NCAM2: variants seen among roughly 807,000 people sequenced by gnomAD.
NCAM2 encodes neural cell adhesion molecule 2, also known as N-CAM-2.
NCAM2 carries 30 observed loss-of-function variants against 98.1 expected under a neutral mutation model. The observed-to-expected ratio is 0.31, with a 90% CI of 0.23 to 0.41. NCAM2 has a LOEUF of 0.41. NCAM2 is among the 10% of genes least tolerant of loss of function. NCAM2 has a pLI of 1.00. For synonymous variants in NCAM2, 368 were observed against 342.4 expected (o/e 1.07, Z -0.83); for missense variants, 867 against 1,005.8 (o/e 0.86, Z 1.87).
At chr21:21,510,571 T>C (rs2146359550) in intron 16 of NCAM2, among the ~76,000 whole-genome samples, 1 of 138,738 alleles carries the variant, frequency 7.2e-6, no homozygotes, top group African/African-American at 2.7e-5. Flanking sequence ...TGTTGAAGCG[T>C]GGAAGGTCTC....
Position 21,388,254 on chromosome 21 carries a change from C to A in NCAM2, c.1195+14241C>A, listed in dbSNP as rs232432. On this transcript the variant is annotated intron_variant, in intron 9 of 17. Coordinates refer to ENST00000400546, the MANE Select transcript of NCAM2 (RefSeq NM_004540.5). ...CAGTTCATCAGGGTAATACACTAGC[C>A]TTCTATTTGGAGGTCTTTTGGAGTG... Among the ~76,000 whole-genome samples the A allele has an allele frequency of 5.7e-3, 865 of 152,108 alleles. 9 individuals are homozygous for A. Among genetic ancestry groups the A allele is most frequent in the African/African-American group, 0.02 (828 of 41,494 alleles).
chr21:21,310,904 A>G (rs1469653200), intron 5 of NCAM2, among the ~76,000 whole-genome samples: 2 of 152,112 alleles, frequency 1.3e-5, no homozygotes, highest in East Asian at 1.9e-4. Context: ...CCAGAGTGCC[A>G]TATTAGCACA....
intron 12 of NCAM2, among the ~76,000 whole-genome samples, chr21:21,458,650 G>A (rs1394409901): frequency 6.6e-6 from 1 of 152,148 alleles, no homozygotes; most frequent in African/African-American, 2.4e-5. Context: ...CCTTGATCTT[G>A]GACTTCCCAG....
chr21:21,449,237 CAAAT>C (rs1202731562), intron 12 of NCAM2, among the ~76,000 whole-genome samples: 5 of 151,442 alleles, frequency 3.3e-5, no homozygotes, highest in African/African-American at 1.2e-4. Flanking sequence ...ATAAATAGTA[CAAAT>C]AAATGATATT....
intron 1 of NCAM2, among the ~76,000 whole-genome samples, chr21:21,137,856 T>G (rs930397227): frequency 2.0e-5 from 3 of 151,978 alleles, no homozygotes; most frequent in African/African-American, 7.3e-5. Context: ...TTTTTTTCTG[T>G]GTTGTGATTC....
In NCAM2 at chr21:21,358,321, T is replaced by C. The variant is rs57153038; in HGVS notation, c.1045-15542T>C. ...TGACTGAGCCTCACTCCCTAAGATA[T>C]AACTGCACCTACCTTTCAGATCTTT... On this transcript the variant is annotated intron_variant, in intron 8 of 17. Coordinates refer to ENST00000400546, the MANE Select transcript of NCAM2 (RefSeq NM_004540.5). Among the ~76,000 whole-genome samples the C allele has an allele frequency of 1.7e-4, 26 of 152,178 alleles. No homozygotes were observed. In the East Asian group the frequency reaches 4.4e-3, roughly 26 times the overall value.
Position 21,187,061 on chromosome 21 carries a change from C to T in NCAM2, c.56-93517C>T, listed in dbSNP as rs189908540. Among the ~76,000 whole-genome samples, 8 of 152,078 alleles carry T rather than the reference C, an allele frequency of 5.3e-5. No individual in the cohort carries two copies. The East Asian group carries it at 1.6e-3, about 29-fold the overall frequency. The stretch of plus-strand genomic sequence containing the variant: ...CCTGGCCAACATGGTGAAACCCCGT[C>T]TCTATTAAAAATACAAAAATTAGCC... On this transcript the variant is annotated intron_variant, in intron 1 of 17. Coordinates refer to ENST00000400546, the MANE Select transcript of NCAM2 (RefSeq NM_004540.5).
chr21:21,276,778 A>G (rs919736432), intron 1 of NCAM2, among the ~76,000 whole-genome samples: 2 of 152,036 alleles, frequency 1.3e-5, no homozygotes, highest in African/African-American at 4.8e-5. Flanking sequence ...GTAGAGAATT[A>G]TATTTTCTTT....
At chr21:21,054,192 T>G (rs145455175) in intron 1 of NCAM2, among the ~76,000 whole-genome samples, 5 of 152,106 alleles carry the variant, frequency 3.3e-5, no homozygotes, top group African/African-American at 1.2e-4. Context: ...ACTTTGTGAT[T>G]GAATAATCTG....
At chr21:21,486,065 A>T (rs568494648) in intron 15 of NCAM2, among the ~76,000 whole-genome samples, 16 of 152,192 alleles carry the variant, frequency 1.1e-4, no homozygotes, top group East Asian at 9.7e-4. Context: ...GCACTTTGGG[A>T]GGCCGAGGCA....
intron 8 of NCAM2, among the ~76,000 whole-genome samples, chr21:21,355,612 G>GTTA (rs1160396964): frequency 3.7e-4 from 56 of 150,468 alleles, no homozygotes; most frequent in African/African-American, 1.0e-3. Flanking sequence ...TTTTATTGCT[G>GTTA]TTATTATTAT....
intron 16 of NCAM2, among the ~76,000 whole-genome samples, chr21:21,525,340 A>G (rs1275046249): frequency 2.0e-5 from 3 of 152,130 alleles, no homozygotes; most frequent in African/African-American, 7.2e-5. Flanking sequence ...AGGAATAACT[A>G]CTATAGACAG....
rs902150847 is a variant in NCAM2 at position 21,422,043 on chromosome 21, G to T, written c.1480+3474G>T. 2.0e-5 allele frequency among the ~76,000 whole-genome samples: 3 copies of T among 152,106 alleles called. No individual in the cohort carries two copies. The East Asian group carries it at 5.8e-4, about 29-fold the overall frequency. ...GGGTGAAGCACAGAAGCCTGGCATG[G>T]GATGTGAAAGCCTGAGCAGAGTGAA... is the stretch of plus-strand genomic sequence containing the variant. On this transcript the variant is annotated intron_variant, in intron 11 of 17. Transcript: ENST00000400546.
intron 16 of NCAM2, among the ~76,000 whole-genome samples, chr21:21,523,454 C>T (rs1386511932): frequency 1.3e-5 from 2 of 150,972 alleles, no homozygotes; most frequent in African/African-American, 4.9e-5. Flanking sequence ...AGAGGCTGTC[C>T]TTTCCCTAAT....
chr21:21,300,961 A>T (rs1350226536), intron 5 of NCAM2, among the ~76,000 whole-genome samples: 1 of 152,022 alleles, frequency 6.6e-6, no homozygotes, highest in Non-Finnish European at 1.5e-5. Flanking sequence ...ATATTTATTA[A>T]TGTATGTGTA....
chr21:21,425,525 A>G (rs531759044), intron 11 of NCAM2, among the ~76,000 whole-genome samples: 1 of 152,262 alleles, frequency 6.6e-6, no homozygotes, highest in South Asian at 2.1e-4. Context: ...TGGAGGAAAT[A>G]ATTTCCATTG....
intron 1 of NCAM2, among the ~76,000 whole-genome samples, chr21:21,088,427 A>G (rs1035615616): frequency 7.2e-5 from 11 of 152,208 alleles, no homozygotes; most frequent in African/African-American, 2.4e-4. Flanking sequence ...TTTTTAAGAA[A>G]ATATGCTGGG....
intron 1 of NCAM2, among the ~76,000 whole-genome samples, chr21:21,012,568 T>C (rs2146144442): frequency 6.6e-6 from 1 of 152,322 alleles, no homozygotes; most frequent in East Asian, 1.9e-4. Context: ...CTGTTTTTAC[T>C]TGGCTTTGTG....
intron 1 of NCAM2, among the ~76,000 whole-genome samples, chr21:21,083,772 G>A (rs2065856724): frequency 6.6e-6 from 1 of 152,092 alleles, no homozygotes; most frequent in Non-Finnish European, 1.5e-5. Context: ...ATAGCTGTGA[G>A]AAATTATGCC....
Sources: gnomAD v4.1 joint callset for allele counts (sites outside exome capture counted in the v4.1 genomes callset) on GRCh38, gnomAD v4.1.1 for gene constraint, MANE v1.5 for transcripts, NCBI Gene and HGNC (gene_info 2026-07-23, HGNC 2026-07-21) for gene names.